CDC16: variants seen among roughly 807,000 people sequenced by gnomAD.
CDC16 encodes the protein cell division cycle protein 16 homolog.
Under a neutral mutation model 87.0 loss-of-function variants are expected in CDC16, and 34 were observed. The observed-to-expected ratio is 0.39, with a 90% CI of 0.30 to 0.52. The LOEUF is 0.52. CDC16 is among the 20% of genes least tolerant of loss of function. CDC16 has a pLI of 0.74. For missense variants in CDC16, 653 were observed against 751.9 expected, an observed-to-expected ratio of 0.87 and a Z score of 1.54; for synonymous variants, 263 against 260.6, an observed-to-expected ratio of 1.01 and a Z score of -0.09.
chr13:114,247,509 C>T (rs192181691), intron 11 of CDC16, among the ~76,000 whole-genome samples: 78 of 151,608 alleles, frequency 5.1e-4, no homozygotes, highest in Admixed American at 1.8e-3. Context: ...TTATAAGATG[C>T]CATGGGGAGA....
At position 114,246,870 on chromosome 13, in the gene CDC16, C is replaced by G. The variant is rs188308626; in HGVS notation, c.898-61C>G. The G allele has an allele frequency of 8.0e-6, 8 of 1,006,028 alleles. No homozygotes were observed. The Admixed American group carries it at 1.2e-4, about 15-fold the overall frequency. The allele number at this position is 1,006,028 out of a possible 1,614,324, so 62.3% of individuals were successfully genotyped here. On this transcript the variant is annotated intron_variant, in intron 10 of 17. Coordinates refer to ENST00000356221, the MANE Select transcript of CDC16 (RefSeq NM_001078645.3). ...ACCCTCTGTCTACCCTAATTTGTTG[C>G]AGATTCCAATTAGATATTCCAATTC...
chr13:114,262,600 A>T (rs377462964), intron 15 of CDC16, among the ~76,000 whole-genome samples: 1 of 152,342 alleles, frequency 6.6e-6, no homozygotes, highest in South Asian at 2.1e-4. Flanking sequence ...GCCAGGAGGC[A>T]TGGATTAGGT....
At chr13:114,257,012 G>T in intron 12 of CDC16, 66 bp from the exon 13 acceptor site, 1 of 1,019,556 alleles carries the variant, frequency 9.8e-7, no homozygotes, top group South Asian at 1.7e-5. Context: ...ATTTGAAGTT[G>T]ACAGATTAAT....
intron 16 of CDC16, among the ~76,000 whole-genome samples, 165 bp downstream of exon 16, chr13:114,263,179 G>A (rs1194036849): frequency 1.3e-5 from 2 of 152,314 alleles, no homozygotes; most frequent in African/African-American, 4.8e-5. Context: ...GTGTTGTACA[G>A]TATTCATCAA....
chr13:114,262,928 C>G lies in CDC16; in HGVS notation c.1426C>G (p.Pro476Ala). The G allele has an allele frequency of 1.2e-6, 2 of 1,614,038 alleles. No individual in the cohort carries two copies. Among genetic ancestry groups the G allele is most frequent in the Non-Finnish European group, 1.7e-6 (2 of 1,179,910 alleles). ...CCACCGTCAGGCACTGGTGTTGATT[C>G]CTCAGAACGCATCCACCTACTCTGC... ...DYHRQALVLI[P>A]QNASTYSAIG... The change falls in exon 16 of 18, where the codon CCT becomes GCT. Residue 476 changes from proline (P) to alanine (A), a missense_variant. Coordinates refer to ENST00000356221, the MANE Select transcript of CDC16 (RefSeq NM_001078645.3).
rs2081434115 is a variant in CDC16, at chr13:114,239,493, AAGT to A, written c.381+8_381+10del. ...ACTGGGAAATGTCACAGTCTTCAGT[AAGT>A]AGTACTGTGAGCACAGCTCAGTAAC... is the stretch of plus-strand genomic sequence containing the variant. On this transcript the variant is annotated splice_donor_5th_base_variant and intron_variant, in intron 5 of 17. Coordinates refer to ENST00000356221, the MANE Select transcript of CDC16 (RefSeq NM_001078645.3). The A allele has an allele frequency of 3.7e-6, 6 of 1,605,336 alleles. No individual in the cohort carries two copies. The highest frequency in any genetic ancestry group is 1.7e-4 in the Middle Eastern group (1 of 6,014).
intron 9 of CDC16, chr13:114,245,649 G>A (rs751438941): frequency 9.4e-5 from 19 of 202,932 alleles, no homozygotes; most frequent in Non-Finnish European, 1.6e-4. Flanking sequence ...TCATTGATCT[G>A]ATAAACTTGA....
At chr13:114,250,751 T>C in intron 12 of CDC16, 77 bp downstream of exon 12, 1 of 1,397,554 alleles carries the variant, frequency 7.2e-7, no homozygotes, top group Non-Finnish European at 9.9e-7. Context: ...TTACTATTAC[T>C]GCTATTTGGT....
chr13:114,250,850 T>C (rs2082132207), intron 12 of CDC16, among the ~76,000 whole-genome samples, 176 bp downstream of exon 12: 1 of 152,112 alleles, frequency 6.6e-6, no homozygotes, highest in African/African-American at 2.4e-5. Flanking sequence ...GGAGAGAAGC[T>C]GGTGTATGCA....
rs546829461 is a variant in CDC16, at chr13:114,240,401, G to T, written c.381+911G>T. The stretch of plus-strand genomic sequence containing the variant: ...ATTTTTTGCTATTTTAGTAGAGACG[G>T]GGTTTCACCATGTTAGCCAGGATGG... On this transcript the variant is annotated intron_variant, in intron 5 of 17. Transcript: ENST00000356221. 1.3e-5 allele frequency among the ~76,000 whole-genome samples: 2 copies of T among 152,108 alleles called. 1 individual carries two copies. The highest frequency in any genetic ancestry group is 2.9e-5 in the Non-Finnish European group (2 of 68,014).
In CDC16 at chr13:114,239,046, T is replaced by G. The variant is rs1204415493; in HGVS notation, c.240+18T>G. The G allele has an allele frequency of 1.7e-5, 27 of 1,590,796 alleles. No homozygotes were observed. The highest frequency in any genetic ancestry group is 8.5e-7 in the Non-Finnish European group (1 of 1,173,526). On this transcript the variant is annotated intron_variant, in intron 4 of 17. Coordinates refer to ENST00000356221, the MANE Select transcript of CDC16 (RefSeq NM_001078645.3). ...GGTGCCATGTAAGTATGCTCATAAT[T>G]TCATTTTTATTTGGTTGAATAAAAT...
Position 114,244,859 on chromosome 13 carries a change from G to A in CDC16, c.768-31G>A, listed in dbSNP as rs202228120. The A allele has an allele frequency of 1.5e-4, 225 of 1,470,664 alleles. No homozygotes were observed. In the African/African-American group the frequency reaches 2.9e-3, roughly 19 times the overall value. 91.1% of individuals were successfully genotyped at this position (1,470,664 alleles called of 1,614,324 possible). A position where few individuals can be genotyped will look rare whatever the true frequency, so the allele number is the denominator to read the frequency against. ...CGTGAGTGCTGTCACCTGCTGGTTT[G>A]GGGGTAGTAATGTGTCGCTTTAACT... On this transcript the variant is annotated intron_variant, in intron 8 of 17. Coordinates refer to ENST00000356221, the MANE Select transcript of CDC16 (RefSeq NM_001078645.3).
chr13:114,270,316 A>C (rs974298920), intron 17 of CDC16, among the ~76,000 whole-genome samples: 1 of 152,146 alleles, frequency 6.6e-6, no homozygotes, highest in Non-Finnish European at 1.5e-5. Flanking sequence ...TACTTTAAAC[A>C]ACCAGAACTC....
At chr13:114,261,039 C>A (rs2082826732) in intron 14 of CDC16, among the ~76,000 whole-genome samples, 1 of 152,138 alleles carries the variant, frequency 6.6e-6, no homozygotes, top group Non-Finnish European at 1.5e-5. Flanking sequence ...AAGGTGCCCA[C>A]AGAGAAAGGC....
chr13:114,269,020 A>C (rs114312519), intron 17 of CDC16, among the ~76,000 whole-genome samples: 2,525 of 152,184 alleles, frequency 0.017, 72 homozygotes, highest in African/African-American at 0.058. Context: ...TCAGCTCTCT[A>C]TTGCTGCCTA....
rs1471825219 is a variant in CDC16 at position 114,234,909 on chromosome 13, C to T, written c.-176C>T. On this transcript the variant is annotated 5_prime_UTR_variant, in exon 1 of 18. Transcript: ENST00000356221. ...GAAGAGCCTGGGCAGTGCACGGGGC[C>T]TGGGTGGGGGGTGCGGGTGTGGGTG... is the stretch of plus-strand genomic sequence containing the variant. 5 of 374,844 alleles carry T rather than the reference C, an allele frequency of 1.3e-5. No homozygotes were observed. The highest frequency in any genetic ancestry group is 1.4e-4 in the South Asian group (1 of 7,194). The allele number at this position is 374,844 out of a possible 1,614,324, so 23.2% of individuals were successfully genotyped here.
At chr13:114,269,152 A>G (rs1346364721) in intron 17 of CDC16, among the ~76,000 whole-genome samples, 4 of 152,146 alleles carry the variant, frequency 2.6e-5, no homozygotes, top group Non-Finnish European at 4.4e-5. Context: ...TTGACTGGGT[A>G]GATGGTCTAA....
At chr13:114,258,406 C>G (rs1566671226) in intron 13 of CDC16, among the ~76,000 whole-genome samples, 1 of 152,146 alleles carries the variant, frequency 6.6e-6, no homozygotes. Context: ...AACTATAAAC[C>G]AGTGTACTTC....
At position 114,242,145 on chromosome 13, in the gene CDC16, C is replaced by A. The variant is rs746050870; in HGVS notation, c.406C>A (p.Arg136Ser). The A allele has an allele frequency of 6.2e-7, 1 of 1,610,956 alleles. No homozygotes were observed. The highest frequency in any genetic ancestry group is 1.1e-5 in the South Asian group (1 of 90,166). ...GATAAAGAGTTCTATCTGTCTTCTA[C>A]GCGGGAAAATCTATGATGCTCTAGA... Reference protein sequence around the residue: ...SSIKSSICLLRGKIYDALDNR... With the variant: ...SSIKSSICLLSGKIYDALDNR... The change falls in exon 6 of 18, where the codon CGC becomes AGC. Residue 136 changes from arginine to serine, a missense_variant. Coordinates refer to ENST00000356221, the MANE Select transcript of CDC16 (RefSeq NM_001078645.3).
Sources: gnomAD v4.1 joint callset for allele counts (sites outside exome capture counted in the v4.1 genomes callset) on GRCh38, gnomAD v4.1.1 for gene constraint, MANE v1.5 for transcripts, NCBI Gene and HGNC (gene_info 2026-07-23, HGNC 2026-07-21) for gene names.